DNAH7: variants seen among roughly 807,000 people sequenced by gnomAD.
The protein encoded by DNAH7 is dynein axonemal heavy chain 7, also known as axonemal beta dynein heavy chain 7.
A neutral mutation model predicts 444.6 loss-of-function variants in DNAH7; 397 were observed. The ratio of observed to expected loss-of-function variants is 0.89; its 90% CI spans 0.82 to 0.97. The LOEUF (loss-of-function observed/expected upper bound fraction) is 0.97. Among genes scored for constraint, DNAH7 ranks in the 50% least tolerant of loss-of-function variants. DNAH7 has a pLI of 0.00. For synonymous variants in DNAH7, 1,636 were observed against 1,624.4 expected, an observed-to-expected ratio of 1.01 and a Z score of -0.17; for missense variants, 4,902 against 4,800.8, an observed-to-expected ratio of 1.02 and a Z score of -0.62.
At position 195,755,078 on chromosome 2, in the gene DNAH7, G is replaced by A. The variant is rs181554894; in HGVS notation, c.11587-564C>T. Among the ~76,000 whole-genome samples, 37 of 152,288 alleles carry A rather than the reference G, an allele frequency of 2.4e-4. No individual in the cohort carries two copies. In the East Asian group the frequency reaches 6.7e-3, roughly 28 times the overall value. ...TTTCAGAAACGCTCCCTACAATAGTGAATATCTAATACGCATTGCTACACA... is the reference window on the plus strand; with the variant it reads ...TTTCAGAAACGCTCCCTACAATAGTAAATATCTAATACGCATTGCTACACA... On this transcript the variant is annotated intron_variant, in intron 62 of 64. Coordinates refer to ENST00000312428, the MANE Select transcript of DNAH7 (RefSeq NM_018897.3).
At chr2:196,055,987 T>C (rs974252225) in intron 2 of DNAH7, among the ~76,000 whole-genome samples, 1 of 152,222 alleles carries the variant, frequency 6.6e-6, no homozygotes, top group African/African-American at 2.4e-5. Context: ...ATGTATCTTA[T>C]AGAATATTTT....
At chr2:195,845,296 TTC>T in intron 46 of DNAH7, 131 bp from the exon 47 acceptor site, 1 of 663,174 alleles carries the variant, frequency 1.5e-6, no homozygotes, top group Non-Finnish European at 2.3e-6. Context: ...CAAAAATGAT[TTC>T]TGTTTCTCAG....
chr2:195,876,592 C>A lies in DNAH7; in HGVS notation c.6069G>T (p.Leu2023Phe). The A allele has an allele frequency of 6.2e-7, 1 of 1,613,844 alleles. No homozygotes were observed. Among genetic ancestry groups the A allele is most frequent in the Non-Finnish European group, 8.5e-7 (1 of 1,179,860 alleles). The change falls in exon 37 of 65, where the codon TTG (leucine) becomes TTT (phenylalanine). Residue 2023 changes from leucine (L) to phenylalanine (F), a missense_variant. Transcript: ENST00000312428. ...CAAAAACTCCCTTTCTTCTCTTGTC[C>A]AATTTTGACATGACAATATTCTGAG... is the stretch of plus-strand genomic sequence containing the variant. ...AQTQNIVMSK[L>F]DKRRKGVFGP...
chr2:195,739,830 C>T (rs886844936), intron 64 of DNAH7, among the ~76,000 whole-genome samples: 1 of 152,202 alleles, frequency 6.6e-6, no homozygotes, highest in Admixed American at 6.5e-5. Flanking sequence ...TCGGGTTGAA[C>T]CAGGTGAGGC....
intron 22 of DNAH7, among the ~76,000 whole-genome samples, chr2:195,924,345 A>C (rs1688204187): frequency 6.6e-6 from 1 of 152,172 alleles, no homozygotes; most frequent in East Asian, 1.9e-4. Context: ...TAATCCCAGC[A>C]CTTTGGGAGG....
In DNAH7 at chr2:195,984,685, C is replaced by T. The variant is rs760335675; in HGVS notation, c.1780G>A (p.Ala594Thr). Reference protein sequence around the residue: ...TRLCDEFERIAEKALSTPPNT... With the variant: ...TRLCDEFERITEKALSTPPNT... ...GGAGGAGTGCTAAGAGCTTTTTCAG[C>T]TATCCTCTCAAATTCATCGCATAAT... The change falls in exon 15 of 65, where the codon GCT (alanine) becomes ACT (threonine). Residue 594 changes from alanine (A) to threonine (T), a missense_variant. Physicochemically the swap from Ala to Thr is moderately conservative, Grantham distance 58. Transcript: ENST00000312428. 2 of 1,613,922 alleles carry T rather than the reference C, an allele frequency of 1.2e-6. No homozygotes were observed. The highest frequency in any genetic ancestry group is 4.5e-5 in the East Asian group (2 of 44,856).
intron 40 of DNAH7, among the ~76,000 whole-genome samples, chr2:195,867,862 G>T (rs1700438124): frequency 6.6e-6 from 1 of 151,948 alleles, no homozygotes; most frequent in Non-Finnish European, 1.5e-5. Flanking sequence ...CTACTTTTTG[G>T]CTATTATAAA....
At chr2:195,940,352 C>T in intron 19 of DNAH7, among the ~76,000 whole-genome samples, 1 of 152,178 alleles carries the variant, frequency 6.6e-6, no homozygotes, top group East Asian at 1.9e-4. Flanking sequence ...CCCTTCCTTA[C>T]ACCTTACACA....
At chr2:195,828,491 A>C (rs1697893407) in intron 48 of DNAH7, among the ~76,000 whole-genome samples, 1 of 151,952 alleles carries the variant, frequency 6.6e-6, no homozygotes, top group Non-Finnish European at 1.5e-5. Flanking sequence ...AGGCTGAGGC[A>C]GGAAAACAGC....
At chr2:195,986,234 G>T (rs1692898929) in intron 14 of DNAH7, among the ~76,000 whole-genome samples, 1 of 152,124 alleles carries the variant, frequency 6.6e-6, no homozygotes, top group Admixed American at 6.6e-5. Flanking sequence ...TAATTTACTG[G>T]TTTGTGTGTC....
chr2:195,757,092 T>C (rs60693196), intron 61 of DNAH7, among the ~76,000 whole-genome samples: 14,172 of 152,064 alleles, frequency 0.093, 737 homozygotes, highest in African/African-American at 0.14. Flanking sequence ...CCTCCCGAAG[T>C]GCTGGGATTA....
chr2:195,924,440 A>G (rs1227061892), intron 22 of DNAH7, among the ~76,000 whole-genome samples: 9 of 152,158 alleles, frequency 5.9e-5, no homozygotes. Flanking sequence ...CAAAAATATA[A>G]AAAGTTAGCT....
intron 58 of DNAH7, among the ~76,000 whole-genome samples, chr2:195,782,012 C>CACACACACAG (rs1559092477): frequency 6.7e-6 from 1 of 150,048 alleles, no homozygotes; most frequent in South Asian, 2.1e-4. Flanking sequence ...CACACACACA[C>CACACACACAG]ACACAGACAC....
At chr2:195,801,455 C>T (rs1196661394) in intron 54 of DNAH7, among the ~76,000 whole-genome samples, 1 of 152,046 alleles carries the variant, frequency 6.6e-6, no homozygotes, top group Non-Finnish European at 1.5e-5. Context: ...CAAAAGCATA[C>T]CAGTTTCAGA....
At chr2:196,053,978 G>A (rs894706877) in intron 2 of DNAH7, among the ~76,000 whole-genome samples, 7 of 152,240 alleles carry the variant, frequency 4.6e-5, no homozygotes, top group South Asian at 2.1e-4. Flanking sequence ...AAGATGCAGC[G>A]CTACCTGACC....
In DNAH7 at chr2:195,856,238, A is replaced by C. The variant is rs568810101; in HGVS notation, c.8415-247T>G. 1.2e-3 allele frequency among the ~76,000 whole-genome samples: 180 copies of C among 152,348 alleles called. 2 individuals are homozygous for C. Among genetic ancestry groups the C allele is most frequent in the African/African-American group, 4.1e-3 (172 of 41,580 alleles). ...AAACATTTTGCCAGTATGAATTTTG[A>C]TAACTTTCCAAAAGGAGAGTAGGAT... On this transcript the variant is annotated intron_variant, in intron 44 of 64. Transcript: ENST00000312428.
rs754326341 is a variant in DNAH7, at chr2:195,861,868, C to A, written c.7585G>T (p.Gly2529Cys). 4 of 1,613,986 alleles carry A rather than the reference C, an allele frequency of 2.5e-6. No homozygotes were observed. Among genetic ancestry groups the A allele is most frequent in the Non-Finnish European group, 2.5e-6 (3 of 1,179,892 alleles). The change falls in exon 42 of 65, where the codon GGC becomes TGC. Residue 2529 changes from glycine to cysteine, a missense_variant. Physicochemically the swap from Gly to Cys is radical, Grantham distance 159 (BLOSUM62 -3). Transcript: ENST00000312428. Reference sequence around the variant, plus strand: ...AAGCTTTTACACATGTCGATACAGCCATCTCGTATTTCCTCTGACATTTCA... The same window carrying A: ...AAGCTTTTACACATGTCGATACAGCAATCTCGTATTTCCTCTGACATTTCA... The part of the protein sequence containing the change: ...EIEMSEEIRD[G>C]CIDMCKSFHT...
Position 196,000,803 on chromosome 2 carries a change from C to T in DNAH7, c.1254G>A (p.Glu418=), listed in dbSNP as rs1693986941. Residue 418 remains glutamate, a synonymous_variant, in exon 12 of 65, where the codon GAG becomes GAA. Coordinates refer to ENST00000312428, the MANE Select transcript of DNAH7 (RefSeq NM_018897.3). ...LDNDTIKFEP[E]LSDYIDIFLN... is the part of the protein sequence containing the mutation. Reference sequence around the variant, plus strand: ...GAAAGATATCTATATAGTCACTCAACTCAGGTTCAAACTTAATGGTGTCAT... The same window carrying T: ...GAAAGATATCTATATAGTCACTCAATTCAGGTTCAAACTTAATGGTGTCAT... The T allele has an allele frequency of 1.2e-6, 2 of 1,609,548 alleles. No individual in the cohort carries two copies. The highest frequency in any genetic ancestry group is 1.7e-6 in the Non-Finnish European group (2 of 1,177,502).
intron 63 of DNAH7, among the ~76,000 whole-genome samples, chr2:195,750,611 G>C (rs1453357939): frequency 6.6e-6 from 1 of 152,194 alleles, no homozygotes; most frequent in Non-Finnish European, 1.5e-5. Flanking sequence ...CTAAGCATGA[G>C]AGCCAGATGG....
Sources: allele counts gnomAD v4.1 joint callset (sites outside exome capture counted in the v4.1 genomes callset), GRCh38; gene constraint gnomAD v4.1.1; transcripts MANE v1.5; gene names NCBI Gene and HGNC (gene_info 2026-07-23, HGNC 2026-07-21).